LHFPL3: variants seen among roughly 807,000 people sequenced by gnomAD.
The protein encoded by LHFPL3 is LHFPL tetraspan subfamily member 3, also known as LHFPL tetraspan subfamily member 3 protein.
A neutral mutation model predicts 19.3 loss-of-function variants in LHFPL3; 5 were observed. The ratio of observed to expected loss-of-function variants is 0.26; its 90% CI spans 0.14 to 0.54. LHFPL3 has a LOEUF of 0.54. Ranked by LOEUF, LHFPL3 falls within the 20% of genes least tolerant of loss-of-function variation. The pLI, the probability that LHFPL3 is intolerant of heterozygous loss-of-function variation, is 0.94. For synonymous variants in LHFPL3, 133 were observed against 126.2 expected, an observed-to-expected ratio of 1.05 and a Z score of -0.36; for missense variants, 249 against 307.4, an observed-to-expected ratio of 0.81 and a Z score of 1.42.
intron 2 of LHFPL3, chr7:104,759,632 A>C (rs549164560): frequency 7.0e-4 from 106 of 152,298 alleles, no homozygotes; most frequent in African/African-American, 2.5e-3. Context: ...CAAGACACCA[A>C]CTTTCACCGA....
intron 2 of LHFPL3, among the ~76,000 whole-genome samples, chr7:104,869,180 C>A (rs1791786435): frequency 6.6e-6 from 1 of 152,148 alleles, no homozygotes; most frequent in Non-Finnish European, 1.5e-5. Flanking sequence ...CAGGCATGGG[C>A]AAGGACTTCA....
chr7:104,632,046 G>A (rs1005242126), intron 1 of LHFPL3, among the ~76,000 whole-genome samples: 1 of 152,118 alleles, frequency 6.6e-6, no homozygotes, highest in Non-Finnish European at 1.5e-5. Flanking sequence ...AGATTTCTTT[G>A]GGCTTCCTTC....
chr7:104,887,580 C>T (rs1792172632), intron 2 of LHFPL3, among the ~76,000 whole-genome samples: 1 of 152,128 alleles, frequency 6.6e-6, no homozygotes, highest in African/African-American at 2.4e-5. Context: ...CATGGGTAAG[C>T]AGAGAGGACC....
At chr7:104,845,165 T>C (rs1446203126) in intron 2 of LHFPL3, among the ~76,000 whole-genome samples, 3 of 152,208 alleles carry the variant, frequency 2.0e-5, no homozygotes, top group East Asian at 1.9e-4. Context: ...GCCCAGGTCC[T>C]ACAGCCAGCA....
chr7:104,729,184 A>G (rs979302232), intron 1 of LHFPL3, among the ~76,000 whole-genome samples: 1 of 152,212 alleles, frequency 6.6e-6, no homozygotes, highest in Non-Finnish European at 1.5e-5. Context: ...ATAGAATAGA[A>G]AATATCAGCA....
chr7:104,513,908 C>G (rs536739798), intron 1 of LHFPL3, among the ~76,000 whole-genome samples: 56 of 152,230 alleles, frequency 3.7e-4, no homozygotes, highest in Non-Finnish European at 6.3e-4. Context: ...TGTGGGTACA[C>G]TTATGTTTGT....
At chr7:104,446,946 T>C (rs945328925) in intron 1 of LHFPL3, among the ~76,000 whole-genome samples, 5 of 152,186 alleles carry the variant, frequency 3.3e-5, no homozygotes, top group Non-Finnish European at 7.3e-5. Context: ...GAATTTTGTC[T>C]TAATTATCAG....
At chr7:104,733,016 C>A (rs1233414504) in intron 1 of LHFPL3, among the ~76,000 whole-genome samples, 1 of 152,162 alleles carries the variant, frequency 6.6e-6, no homozygotes, top group Non-Finnish European at 1.5e-5. Context: ...TGTTCAGTTT[C>A]CATGTAGTTG....
At position 104,859,455 on chromosome 7, in the gene LHFPL3, G is replaced by T. The variant is rs576910675; in HGVS notation, c.683-46732G>T. Among the ~76,000 whole-genome samples, 450 of 151,698 alleles carry T rather than the reference G, an allele frequency of 3.0e-3. 2 individuals carry two copies. Among genetic ancestry groups the T allele is most frequent in the Non-Finnish European group, 4.5e-3 (303 of 67,888 alleles). ...AGGCTGAGGCAGGCGGATCACTTGA[G>T]GTCAGGAGTTCAAGACCAGCCTGGC... is the stretch of plus-strand genomic sequence containing the variant. On this transcript the variant is annotated intron_variant, in intron 2 of 2. Coordinates refer to ENST00000424859, the MANE Select transcript of LHFPL3 (RefSeq NM_199000.3).
chr7:104,509,690 T>C (rs1793772812), intron 1 of LHFPL3, among the ~76,000 whole-genome samples: 1 of 152,086 alleles, frequency 6.6e-6, no homozygotes, highest in South Asian at 2.1e-4. Flanking sequence ...CAAGGATGTC[T>C]ACTCTCACCA....
intron 1 of LHFPL3, among the ~76,000 whole-genome samples, chr7:104,547,662 C>T (rs1255626172): frequency 1.3e-5 from 2 of 152,132 alleles, no homozygotes; most frequent in Admixed American, 6.6e-5. Context: ...TGTTTCTGTA[C>T]CCTATTCTCA....
chr7:104,590,964 T>C (rs986571943), intron 1 of LHFPL3, among the ~76,000 whole-genome samples: 1 of 152,208 alleles, frequency 6.6e-6, no homozygotes, highest in African/African-American at 2.4e-5. Context: ...TCCATTTGCT[T>C]GGCAGATCAT....
At chr7:104,890,871 G>A (rs939647383) in intron 2 of LHFPL3, among the ~76,000 whole-genome samples, 10 of 152,126 alleles carry the variant, frequency 6.6e-5, no homozygotes, top group African/African-American at 2.4e-4. Flanking sequence ...CTCACAGGCT[G>A]ATGAGAATAG....
intron 2 of LHFPL3, among the ~76,000 whole-genome samples, chr7:104,901,327 C>T (rs1352905473): frequency 1.3e-5 from 2 of 152,192 alleles, no homozygotes; most frequent in Admixed American, 6.5e-5. Context: ...GTTCTGATCA[C>T]AGCTGGTTAT....
intron 2 of LHFPL3, among the ~76,000 whole-genome samples, chr7:104,871,465 T>C (rs770892169): frequency 6.6e-6 from 1 of 152,208 alleles, no homozygotes; most frequent in Admixed American, 6.5e-5. Context: ...TGTACACTAC[T>C]ATAGACTTCG....
chr7:104,392,464 T>C (rs1322132683), intron 1 of LHFPL3, among the ~76,000 whole-genome samples: 3 of 151,810 alleles, frequency 2.0e-5, no homozygotes, highest in African/African-American at 7.2e-5. Context: ...TTGTCTTTGG[T>C]TCTGTTTATA....
At chr7:104,654,241 C>G (rs373407643) in intron 1 of LHFPL3, among the ~76,000 whole-genome samples, 2 of 152,286 alleles carry the variant, frequency 1.3e-5, no homozygotes, top group African/African-American at 2.4e-5. Context: ...TGCCCTGTAT[C>G]AGCTGGCAGA....
intron 2 of LHFPL3, chr7:104,895,566 G>A: frequency 6.6e-6 from 1 of 152,594 alleles, no homozygotes; most frequent in Non-Finnish European, 1.5e-5. Context: ...AAAAGGGGCA[G>A]GGGAGAGAGA....
chr7:104,833,038 T>TATCTATTATATATAATAGAG lies in LHFPL3; in HGVS notation c.683-73147_683-73146insCTATTATATATAATAGAGAT, dbSNP rs1554349395. Among the ~76,000 whole-genome samples, 147 of 21,546 alleles carry TATCTATTATATATAATAGAG rather than the reference T, an allele frequency of 6.8e-3. 8 individuals are homozygous for TATCTATTATATATAATAGAG. The highest frequency in any genetic ancestry group is 0.026 in the African/African-American group (95 of 3,710). The allele number at this position is 21,546 out of a possible 152,430, so 14.1% of individuals were successfully genotyped here. A position where few individuals can be genotyped will look rare whatever the true frequency, so the allele number is the denominator to read the frequency against. ...TTATATATAATAGATATATTATATA[T>TATCTATTATATATAATAGAG]ATATATTATATATATATTATATATA... On this transcript the variant is annotated intron_variant, in intron 2 of 2. Transcript: ENST00000424859.
Sources: allele counts gnomAD v4.1 joint callset (sites outside exome capture counted in the v4.1 genomes callset), GRCh38; gene constraint gnomAD v4.1.1; transcripts MANE v1.5; gene names NCBI Gene and HGNC (gene_info 2026-07-23, HGNC 2026-07-21).